Variants in TMEM117 observed in about 807,000 individuals in gnomAD.
TMEM117 encodes the protein transmembrane protein 117.
TMEM117 carries 27 observed loss-of-function variants against 52.4 expected under a neutral mutation model. That is an observed-to-expected ratio of 0.51 (90% CI 0.38 to 0.71). The LOEUF is 0.71. TMEM117 is among the 30% of genes least tolerant of loss of function. The pLI, the probability that TMEM117 is intolerant of heterozygous loss-of-function variation, is 0.00. For missense variants in TMEM117, 556 were observed against 630.5 expected, an observed-to-expected ratio of 0.88 and a Z score of 1.26; for synonymous variants, 215 against 206.3, an observed-to-expected ratio of 1.04 and a Z score of -0.36.
chr12:43,950,774 A>T (rs1945207663), intron 3 of TMEM117, among the ~76,000 whole-genome samples: 1 of 152,128 alleles, frequency 6.6e-6, no homozygotes, highest in Non-Finnish European at 1.5e-5. Flanking sequence ...TTTGTTTTAG[A>T]AGTAACAATT....
chr12:43,837,353 T>C (rs1729463439), intron 1 of TMEM117, among the ~76,000 whole-genome samples: 1 of 151,744 alleles, frequency 6.6e-6, no homozygotes, highest in South Asian at 2.1e-4. Flanking sequence ...TTAATTTCTG[T>C]CTTTCTTTCT....
At chr12:44,174,044 T>G (rs574334909) in intron 4 of TMEM117, among the ~76,000 whole-genome samples, 1 of 152,302 alleles carries the variant, frequency 6.6e-6, no homozygotes, top group East Asian at 1.9e-4. Context: ...TTTAAAGTTT[T>G]TAAGCTTTTT....
At chr12:44,021,500 T>C (rs976989622) in intron 3 of TMEM117, among the ~76,000 whole-genome samples, 11 of 152,240 alleles carry the variant, frequency 7.2e-5, no homozygotes, top group Non-Finnish European at 1.6e-4. Context: ...CGTTGTTTAC[T>C]TCTTCATAGC....
At chr12:44,364,914 G>A (rs1248266675) in intron 6 of TMEM117, among the ~76,000 whole-genome samples, 1 of 152,068 alleles carries the variant, frequency 6.6e-6, no homozygotes, top group Non-Finnish European at 1.5e-5. Context: ...TTAGCAAGCT[G>A]TGAAGTGATA....
chr12:43,879,571 T>A (rs1592328417), intron 2 of TMEM117, among the ~76,000 whole-genome samples: 1 of 152,282 alleles, frequency 6.6e-6, no homozygotes, highest in Middle Eastern at 3.4e-3. Context: ...TCCTCCTAAT[T>A]CTGGGTCTAA....
intron 3 of TMEM117, among the ~76,000 whole-genome samples, chr12:43,985,006 A>AT (rs35956466): frequency 0.074 from 11,219 of 151,534 alleles, 688 homozygotes; most frequent in African/African-American, 0.18. Context: ...TCTCTTTGAG[A>AT]TTTTTTTTTG....
At chr12:44,186,199 C>A (rs1262746338) in intron 4 of TMEM117, among the ~76,000 whole-genome samples, 1 of 152,160 alleles carries the variant, frequency 6.6e-6, no homozygotes, top group Admixed American at 6.6e-5. Context: ...AGGATTTTGA[C>A]ATCTGCTCTT....
At chr12:44,142,031 T>A (rs1673582231) in intron 3 of TMEM117, among the ~76,000 whole-genome samples, 1 of 152,172 alleles carries the variant, frequency 6.6e-6, no homozygotes, top group South Asian at 2.1e-4. Context: ...AGTGGTTAAA[T>A]TTCTGCGTTT....
Position 43,903,501 on chromosome 12 carries a change from A to T in TMEM117, c.278-40709A>T, listed in dbSNP as rs557108056. ...TTTATGTGTTGCATTAATAATTTAC[A>T]TTCAATTTCATTTAAAACTGGTTAG... is the stretch of plus-strand genomic sequence containing the variant. On this transcript the variant is annotated intron_variant, in intron 2 of 7. Coordinates refer to ENST00000266534, the MANE Select transcript of TMEM117 (RefSeq NM_032256.3). 7.3e-4 allele frequency among the ~76,000 whole-genome samples: 111 copies of T among 152,332 alleles called. 1 individual carries two copies. The highest frequency in any genetic ancestry group is 2.6e-3 in the African/African-American group (109 of 41,580).
chr12:44,288,531 A>G (rs921958021), intron 5 of TMEM117, among the ~76,000 whole-genome samples: 1 of 152,134 alleles, frequency 6.6e-6, no homozygotes, highest in Admixed American at 6.5e-5. Flanking sequence ...TTATATAAAT[A>G]TGTCAAATAA....
chr12:43,818,960 C>T, the TMEM117 span, among the ~76,000 whole-genome samples: 1 of 152,180 alleles, frequency 6.6e-6, no homozygotes, highest in Admixed American at 6.5e-5. Flanking sequence ...CTCAGTGCCA[C>T]ATCACTCTAA....
chr12:44,373,088 G>A (rs1000043177), intron 6 of TMEM117, among the ~76,000 whole-genome samples: 8 of 152,144 alleles, frequency 5.3e-5, no homozygotes, highest in African/African-American at 1.7e-4. Context: ...ATAATAGAAC[G>A]TTGCAGGTGC....
At chr12:43,847,148 TG>T (rs1305734969) in intron 2 of TMEM117, among the ~76,000 whole-genome samples, 1 of 152,080 alleles carries the variant, frequency 6.6e-6, no homozygotes, top group African/African-American at 2.4e-5. Flanking sequence ...TGCTGATATT[TG>T]TGGGAGAAGG....
At chr12:44,039,118 G>C (rs556735085) in intron 3 of TMEM117, among the ~76,000 whole-genome samples, 1 of 152,232 alleles carries the variant, frequency 6.6e-6, no homozygotes, top group Admixed American at 6.5e-5. Flanking sequence ...TGGATTGTGT[G>C]TTTCTTATTT....
At chr12:43,925,301 A>T (rs1027354107) in intron 2 of TMEM117, among the ~76,000 whole-genome samples, 23 of 148,552 alleles carry the variant, frequency 1.5e-4, no homozygotes, top group African/African-American at 3.7e-4. Flanking sequence ...GCCAAAAAAA[A>T]TTTTTTTTTT....
chr12:44,381,926 G>A (rs140626519), intron 7 of TMEM117, among the ~76,000 whole-genome samples: 2 of 152,190 alleles, frequency 1.3e-5, no homozygotes, highest in East Asian at 1.9e-4. Flanking sequence ...CAAGGGACTC[G>A]TTATAAGGAA....
chr12:44,077,793 C>CAA (rs1334450350), intron 3 of TMEM117, among the ~76,000 whole-genome samples: 13 of 146,478 alleles, frequency 8.9e-5, no homozygotes, highest in Non-Finnish European at 1.9e-4. Context: ...TCCTTCAAAC[C>CAA]AAACAGGATT....
intron 3 of TMEM117, among the ~76,000 whole-genome samples, chr12:43,966,068 C>T (rs751159515): frequency 3.1e-4 from 47 of 152,204 alleles, no homozygotes; most frequent in Non-Finnish European, 6.2e-4. Context: ...CATGTTGCTG[C>T]AAAGGACGTG....
intron 3 of TMEM117, among the ~76,000 whole-genome samples, chr12:43,945,819 A>G (rs1431999045): frequency 6.6e-6 from 1 of 152,150 alleles, no homozygotes; most frequent in African/African-American, 2.4e-5. Flanking sequence ...AGGCAGGATT[A>G]TTGTCCAGTT....
Sources: gnomAD v4.1 joint callset for allele counts (sites outside exome capture counted in the v4.1 genomes callset) on GRCh38, gnomAD v4.1.1 for gene constraint, MANE v1.5 for transcripts, NCBI Gene and HGNC (gene_info 2026-07-23, HGNC 2026-07-21) for gene names.